The following AHDC1 variants were observed in gnomAD, a reference collection of about 807,000 sequenced individuals.
AHDC1 encodes transcription factor Gibbin.
A neutral mutation model predicts 87.9 loss-of-function variants in AHDC1; 7 were observed. The observed-to-expected ratio is 0.08, with a 90% confidence interval of 0.05 to 0.15. The LOEUF is 0.15. AHDC1 is among the 10% of genes least tolerant of loss of function. The pLI is 1.00. For missense variants in AHDC1, 1,841 were observed against 2,253.2 expected, an observed-to-expected ratio of 0.82 and a Z score of 3.70; for synonymous variants, 1,051 against 1,006.8, an observed-to-expected ratio of 1.04 and a Z score of -0.83.
chr1:27,599,745 A>G (rs60473349), intron 3 of AHDC1, among the ~76,000 whole-genome samples: 22,998 of 152,044 alleles, frequency 0.15, 5,161 homozygotes, highest in African/African-American at 0.49. Context: ...AGTACCTGCC[A>G]CAGGCCACGC....
chr1:27,586,857 C>T (rs1014529094), intron 3 of AHDC1, among the ~76,000 whole-genome samples: 13 of 152,318 alleles, frequency 8.5e-5, no homozygotes, highest in African/African-American at 3.1e-4. Flanking sequence ...ACATCTACCA[C>T]CACACAGGTC....
At position 27,548,529 on chromosome 1, in the gene AHDC1, G is replaced by A. The variant is rs748026081; in HGVS notation, c.3587C>T (p.Ser1196Leu). 3.7e-6 allele frequency: 6 copies of A among 1,613,272 alleles called. No individual in the cohort carries two copies. The highest frequency in any genetic ancestry group is 2.5e-6 in the Non-Finnish European group (3 of 1,180,006). The change falls in exon 8 of 9, where the codon TCG (serine) becomes TTG (leucine). Residue 1196 changes from serine (S) to leucine (L), a missense_variant. Around this residue, in one of 13 missense-constraint regions of AHDC1, gnomAD observed 505 missense variants for 626.2 expected, o/e 0.81. Transcript: ENST00000673934. ...CAGTTTCTCCAGGCTGGACAGGCTCGACTGGCCCTCACTACTTGAGGCCTC... is the reference window on the plus strand; with the variant it reads ...CAGTTTCTCCAGGCTGGACAGGCTCAACTGGCCCTCACTACTTGAGGCCTC... ...NSEASSSEGQ[S>L]SLSSLEKLMM...
rs140505755 is a variant in AHDC1 at position 27,564,289 on chromosome 1, G to C, written c.-628-5406C>G. 3.2e-4 allele frequency among the ~76,000 whole-genome samples: 48 copies of C among 152,342 alleles called. No individual in the cohort carries two copies. In the East Asian group the frequency reaches 8.9e-3, roughly 28 times the overall value. ...GCTCAGCCTCTTTGGCTTCGGGGAG[G>C]GGGGAAGGGGCCGCAGTGAGAGAAG... On this transcript the variant is annotated intron_variant, in intron 3 of 8. Transcript: ENST00000673934.
intron 8 of AHDC1, among the ~76,000 whole-genome samples, chr1:27,540,205 A>G (rs2148209308): frequency 6.6e-6 from 1 of 152,078 alleles, no homozygotes; most frequent in South Asian, 2.1e-4. Flanking sequence ...AACTGGATGG[A>G]TTGTGCTTGG....
At chr1:27,603,143 A>ACCCCCCCCCCCCCCCCCCCCCCCCCCCCC (rs1156376060) in intron 3 of AHDC1, among the ~76,000 whole-genome samples, 3 of 110,424 alleles carry the variant, frequency 2.7e-5, no homozygotes, top group African/African-American at 6.9e-5. Flanking sequence ...AAACCCGAGA[A>ACCCCCCCCCCCCCCCCCCCCCCCCCCCCC]CCCCCCCTCC....
rs116570071 is a variant in AHDC1, at chr1:27,551,555, G to A, written c.561C>T (p.His187=). The A allele has an allele frequency of 4.8e-4, 767 of 1,608,002 alleles. No individual in the cohort carries two copies. In the African/African-American group the frequency reaches 8.0e-3, roughly 17 times the overall value. ...GATGGCTGGGCCGCTCCGACTTGGC[G>A]TGTGGGGTGGCCCGCTCCTCAGGGC... ...IRSPEERATP[H]AKSERPSHPL... The change falls in exon 8 of 9, where the codon CAC becomes CAT. Residue 187 remains histidine, a synonymous_variant. Coordinates refer to ENST00000673934, the MANE Select transcript of AHDC1 (RefSeq NM_001371928.1).
chr1:27,587,282 A>T (rs976024870), intron 3 of AHDC1, among the ~76,000 whole-genome samples: 2 of 152,198 alleles, frequency 1.3e-5, no homozygotes, highest in African/African-American at 4.8e-5. Flanking sequence ...TCCATGTCAC[A>T]CTACAACACT....
chr1:27,545,456 A>G (rs1264853382), intron 8 of AHDC1, among the ~76,000 whole-genome samples: 1 of 152,018 alleles, frequency 6.6e-6, no homozygotes, highest in Non-Finnish European at 1.5e-5. Flanking sequence ...TGGTTCCATT[A>G]TGTACTTCAC....
At chr1:27,556,461 T>G (rs563403302) in intron 5 of AHDC1, among the ~76,000 whole-genome samples, 1 of 152,094 alleles carries the variant, frequency 6.6e-6, no homozygotes, top group Non-Finnish European at 1.5e-5. Context: ...GGGCCTTATC[T>G]CTCAGGATCT....
chr1:27,549,008 G>A lies in AHDC1; in HGVS notation c.3108C>T (p.Ser1036=), dbSNP rs780663929. ...GGPCLPPSKA[S]FFSSSEGAPF... ...GGGCCCCCTCAGAGCTGCTGAAGAA[G>A]GAGGCCTTGCTTGGTGGCAGGCAGG... The change falls in exon 8 of 9, where the codon TCC becomes TCT. Residue 1036 remains serine, a synonymous_variant. Coordinates refer to ENST00000673934, the MANE Select transcript of AHDC1 (RefSeq NM_001371928.1). 19 of 1,558,370 alleles carry A rather than the reference G, an allele frequency of 1.2e-5. No homozygotes were observed. Among genetic ancestry groups the A allele is most frequent in the Non-Finnish European group, 1.5e-5 (17 of 1,158,402 alleles).
intron 8 of AHDC1, among the ~76,000 whole-genome samples, chr1:27,536,465 G>A (rs1335644235): frequency 6.6e-6 from 1 of 152,206 alleles, no homozygotes; most frequent in Non-Finnish European, 1.5e-5. Context: ...GCCTGGGAGG[G>A]TGACAGCTGT....
rs1236203890 is a variant in AHDC1, at chr1:27,598,663, G to T, written c.-629+4734C>A. ...CACCTCCATCTACCCATAGGGACGTGGGGGGATCACACCAGTGTCACCCCC... is the reference window on the plus strand; with the variant it reads ...CACCTCCATCTACCCATAGGGACGTTGGGGGATCACACCAGTGTCACCCCC... On this transcript the variant is annotated intron_variant, in intron 3 of 8. Transcript: ENST00000673934. The surrounding 1 kb of genome is among the most constrained non-coding windows in gnomAD (Gnocchi z 4.2). 6.6e-6 allele frequency among the ~76,000 whole-genome samples: 1 copy of T among 152,148 alleles called. No homozygotes were observed. Among genetic ancestry groups the T allele is most frequent in the Non-Finnish European group, 1.5e-5 (1 of 68,006 alleles).
chr1:27,598,171 C>A lies in AHDC1; in HGVS notation c.-629+5226G>T, dbSNP rs1158036694. Among the ~76,000 whole-genome samples, 2 of 152,234 alleles carry A rather than the reference C, an allele frequency of 1.3e-5. No individual in the cohort carries two copies. The highest frequency in any genetic ancestry group is 4.8e-5 in the African/African-American group (2 of 41,458). On this transcript the variant is annotated intron_variant, in intron 3 of 8. Transcript: ENST00000673934. The surrounding 1 kb of genome is among the most constrained non-coding windows in gnomAD (Gnocchi z 4.2). ...CAGCTTCTGGAAGCTTCAGTGGCAG[C>A]TGGGCTGAATTGGGAGTTCGGGGCC...
rs1245934677 is a variant in AHDC1 at position 27,590,617 on chromosome 1, T to C, written c.-629+12780A>G. On this transcript the variant is annotated intron_variant, in intron 3 of 8. Coordinates refer to ENST00000673934, the MANE Select transcript of AHDC1 (RefSeq NM_001371928.1). The surrounding 1 kb of genome is among the most constrained non-coding windows in gnomAD (Gnocchi z 5.4). ...TGAGGACAAGGCTGTGTGTCCTGCATCTGTTAAATCCCTCTTGGTCTTAGC... is the reference window on the plus strand; with the variant it reads ...TGAGGACAAGGCTGTGTGTCCTGCACCTGTTAAATCCCTCTTGGTCTTAGC... Among the ~76,000 whole-genome samples, 1 of 152,112 alleles carries C rather than the reference T, an allele frequency of 6.6e-6. No homozygotes were observed. The highest frequency in any genetic ancestry group is 2.4e-5 in the African/African-American group (1 of 41,390).
In AHDC1 at chr1:27,562,937, G is replaced by A. The variant is rs1000781555; in HGVS notation, c.-628-4054C>T. Among the ~76,000 whole-genome samples the A allele has an allele frequency of 4.6e-5, 7 of 152,044 alleles. No individual in the cohort carries two copies. Among genetic ancestry groups the A allele is most frequent in the Admixed American group, 6.6e-5 (1 of 15,266 alleles). On this transcript the variant is annotated intron_variant, in intron 3 of 8. Coordinates refer to ENST00000673934, the MANE Select transcript of AHDC1 (RefSeq NM_001371928.1). This position sits in a 1 kb window ranked among gnomAD's most constrained non-coding sequence, Gnocchi z 4.4. ...ACAAGTTGGTGACAACCCTCCTAAC[G>A]GGATGAACTAAGCACATAACCTGTC...
At chr1:27,544,954 C>G (rs1427017113) in intron 8 of AHDC1, among the ~76,000 whole-genome samples, 1 of 152,140 alleles carries the variant, frequency 6.6e-6, no homozygotes, top group Non-Finnish European at 1.5e-5. Flanking sequence ...CTTGCCTCAT[C>G]CCCTCACTTA....
chr1:27,581,345 TA>T (rs1557697466), intron 3 of AHDC1, among the ~76,000 whole-genome samples: 2 of 151,192 alleles, frequency 1.3e-5, no homozygotes, highest in Admixed American at 6.6e-5. Flanking sequence ...AATATATTTT[TA>T]AAAAAAATTT....
At position 27,557,661 on chromosome 1, in the gene AHDC1, G is replaced by A. The variant is rs933026654; in HGVS notation, c.-225+644C>T. On this transcript the variant is annotated intron_variant, in intron 5 of 8. Transcript: ENST00000673934. ...ACACAGATCCCCGTGTGCATACACC[G>A]TACCATCGCAGTGTATTCAGATCTT... Among the ~76,000 whole-genome samples the A allele has an allele frequency of 5.3e-5, 8 of 152,248 alleles. No homozygotes were observed. The South Asian group carries it at 8.3e-4, about 16-fold the overall frequency.
At chr1:27,543,307 C>T (rs1291037122) in intron 8 of AHDC1, among the ~76,000 whole-genome samples, 1 of 152,234 alleles carries the variant, frequency 6.6e-6, no homozygotes, top group Non-Finnish European at 1.5e-5. Context: ...CAGGGCCCAA[C>T]GTGGAGCCAG....
Sources: gnomAD v4.1 joint callset for allele counts (sites outside exome capture counted in the v4.1 genomes callset) on GRCh38, gnomAD v4.1.1 for gene constraint, gnomAD v4.1.1 regional missense constraint, Gnocchi (gnomAD v3.1) non-coding constraint, MANE v1.5 for transcripts, NCBI Gene and HGNC (gene_info 2026-07-23, HGNC 2026-07-21) for gene names.